CREB3L2: variants seen among roughly 807,000 people sequenced by gnomAD.
The protein encoded by CREB3L2 is cyclic AMP-responsive element-binding protein 3-like protein 2.
Under a neutral mutation model 57.2 loss-of-function variants are expected in CREB3L2, and 23 were observed. The observed-to-expected ratio is 0.40, with a 90% CI of 0.29 to 0.57. CREB3L2 has a LOEUF of 0.57. Among genes scored for constraint, CREB3L2 ranks in the 20% least tolerant of loss-of-function variants. The probability of loss-of-function intolerance (pLI) is 0.42; values close to 1 mark genes in which losing one functional copy is unlikely to be tolerated. For missense variants in CREB3L2, 628 were observed against 634.7 expected (o/e 0.99, Z 0.11); for synonymous variants, 268 against 265.1 (o/e 1.01, Z -0.11).
At chr7:137,983,234 C>T (rs1034842318) in intron 1 of CREB3L2, among the ~76,000 whole-genome samples, 1 of 152,150 alleles carries the variant, frequency 6.6e-6, no homozygotes, top group Non-Finnish European at 1.5e-5. Context: ...GTGGTGAATG[C>T]CTTCCAGAGG....
At chr7:137,977,643 G>A (rs1195349355) in intron 1 of CREB3L2, among the ~76,000 whole-genome samples, 2 of 152,198 alleles carry the variant, frequency 1.3e-5, no homozygotes, top group African/African-American at 4.8e-5. Flanking sequence ...ATGTAGGGCT[G>A]GGCGTGGTGG....
In CREB3L2 at chr7:137,983,312, G is replaced by A. The variant is rs922755769; in HGVS notation, c.102+18292C>T. 3.3e-5 allele frequency among the ~76,000 whole-genome samples: 5 copies of A among 152,328 alleles called. No homozygotes were observed. In the South Asian group the frequency reaches 1.0e-3, roughly 32 times the overall value. ...CCCTCGAAGAAGGAATCTTAAACAA[G>A]AGAAGCAAGGGCAGAAATGCAACAT... On this transcript the variant is annotated intron_variant, in intron 1 of 11. Transcript: ENST00000330387.
chr7:137,880,388 A>T lies in CREB3L2; in HGVS notation c.*88T>A. 9.4e-7 allele frequency: 1 copy of T among 1,065,054 alleles called. No individual in the cohort carries two copies. The highest frequency in any genetic ancestry group is 1.4e-6 in the Non-Finnish European group (1 of 700,296). 66.0% of individuals were successfully genotyped at this position (1,065,054 alleles called of 1,614,324 possible). The stretch of plus-strand genomic sequence containing the variant: ...CTTGCCCATGTCTCCATGAAGATCC[A>T]GTGGCAAAGAGGAAAAGCTGATGAC... On this transcript the variant is annotated 3_prime_UTR_variant, in exon 12 of 12. Coordinates refer to ENST00000330387, the MANE Select transcript of CREB3L2 (RefSeq NM_194071.4). This position sits in a 1 kb window ranked among gnomAD's most constrained non-coding sequence, Gnocchi z 4.0.
chr7:137,977,892 G>A (rs1453706538), intron 1 of CREB3L2, among the ~76,000 whole-genome samples: 2 of 151,298 alleles, frequency 1.3e-5, no homozygotes, highest in East Asian at 3.9e-4. Flanking sequence ...CTGCACTCCA[G>A]CCTGGGCAAG....
chr7:137,940,532 A>T (rs1461541929), intron 1 of CREB3L2, among the ~76,000 whole-genome samples: 1 of 147,518 alleles, frequency 6.8e-6, no homozygotes, highest in African/African-American at 2.5e-5. Flanking sequence ...AAGAGTTGAG[A>T]ACTGAAATCT....
rs1799212123 is a variant in CREB3L2, at chr7:137,878,664, C to G, written c.*1812G>C. On this transcript the variant is annotated 3_prime_UTR_variant, in exon 12 of 12. Coordinates refer to ENST00000330387, the MANE Select transcript of CREB3L2 (RefSeq NM_194071.4). ...GGACTACGGGGGCCCGATCCAGCTTCCACTCACAGTGAGAAGATGAACTTG... is the reference window on the plus strand; with the variant it reads ...GGACTACGGGGGCCCGATCCAGCTTGCACTCACAGTGAGAAGATGAACTTG... 4.3e-6 allele frequency: 1 copy of G among 233,960 alleles called. No individual in the cohort carries two copies. Among genetic ancestry groups the G allele is most frequent in the Non-Finnish European group, 8.4e-6 (1 of 118,712 alleles). 14.5% of individuals were successfully genotyped at this position (233,960 alleles called of 1,614,324 possible).
At chr7:137,975,458 C>T (rs1801589912) in intron 1 of CREB3L2, among the ~76,000 whole-genome samples, 1 of 152,206 alleles carries the variant, frequency 6.6e-6, no homozygotes. Flanking sequence ...ACTCTCGCCC[C>T]TTCTCTCTTT....
chr7:137,974,608 C>T (rs1311537794), intron 1 of CREB3L2, among the ~76,000 whole-genome samples: 1 of 152,114 alleles, frequency 6.6e-6, no homozygotes, highest in Non-Finnish European at 1.5e-5. Context: ...TGTTAATAGG[C>T]TACTGCAATA....
chr7:137,897,532 G>T (rs779896868), intron 8 of CREB3L2, among the ~76,000 whole-genome samples: 1 of 152,150 alleles, frequency 6.6e-6, no homozygotes, highest in Non-Finnish European at 1.5e-5. Context: ...ACTACGCCCA[G>T]ATAATTTGTG....
intron 1 of CREB3L2, among the ~76,000 whole-genome samples, chr7:137,937,887 C>G (rs528326706): frequency 6.8e-6 from 1 of 147,770 alleles, no homozygotes; most frequent in African/African-American, 2.5e-5. Context: ...TCCAGATGAA[C>G]CTTTTTTTTT....
intron 2 of CREB3L2, among the ~76,000 whole-genome samples, chr7:137,922,388 A>ATGTG (rs1800313293): frequency 1.0e-4 from 2 of 19,416 alleles, no homozygotes; most frequent in African/African-American, 4.2e-4. Context: ...ATATATGTAT[A>ATGTG]TATATATATA....
At chr7:137,960,723 C>T (rs1171739272) in intron 1 of CREB3L2, among the ~76,000 whole-genome samples, 1 of 151,272 alleles carries the variant, frequency 6.6e-6, no homozygotes, top group Non-Finnish European at 1.5e-5. Context: ...ACAACTACTA[C>T]AGAAGCACGT....
chr7:137,885,277 C>T lies in CREB3L2; in HGVS notation c.1143+126G>A, dbSNP rs935787246. On this transcript the variant is annotated intron_variant, in intron 9 of 11. Coordinates refer to ENST00000330387, the MANE Select transcript of CREB3L2 (RefSeq NM_194071.4). The stretch of plus-strand genomic sequence containing the variant: ...CCAGAGTGCCTCACCGAGGAACAGC[C>T]TCAGAGTGGAGTTCCTCCATGTGGT... 8.5e-6 allele frequency: 10 copies of T among 1,174,038 alleles called. No homozygotes were observed. In the East Asian group the frequency reaches 2.1e-4, roughly 25 times the overall value. The allele number at this position is 1,174,038 out of a possible 1,614,324, so 72.7% of individuals were successfully genotyped here.
At chr7:137,882,212 G>GTT (rs911470751) in intron 11 of CREB3L2, among the ~76,000 whole-genome samples, 200 bp downstream of exon 11, 1 of 152,132 alleles carries the variant, frequency 6.6e-6, no homozygotes, top group Non-Finnish European at 1.5e-5. Flanking sequence ...GCTCACGCTG[G>GTT]TTTTTTTCCT....
intron 1 of CREB3L2, among the ~76,000 whole-genome samples, chr7:137,998,115 A>G (rs749875694): frequency 6.6e-6 from 1 of 152,234 alleles, no homozygotes; most frequent in Non-Finnish European, 1.5e-5. Flanking sequence ...TGCCCTATCC[A>G]TATGCTTCAT....
rs911807754 is a variant in CREB3L2 at position 137,880,698 on chromosome 7, C to T, written c.1488-147G>A. The T allele has an allele frequency of 2.2e-5, 15 of 676,510 alleles. No homozygotes were observed. Among genetic ancestry groups the T allele is most frequent in the Non-Finnish European group, 4.0e-5 (15 of 375,156 alleles). 41.9% of individuals were successfully genotyped at this position (676,510 alleles called of 1,614,324 possible). ...TTCTTGTCCTTTTCTCTCCTAGTAGCAATTCTCTGTTTCCAAAGTCCCCTG... is the reference window on the plus strand; with the variant it reads ...TTCTTGTCCTTTTCTCTCCTAGTAGTAATTCTCTGTTTCCAAAGTCCCCTG... On this transcript the variant is annotated intron_variant, in intron 11 of 11. Coordinates refer to ENST00000330387, the MANE Select transcript of CREB3L2 (RefSeq NM_194071.4). The surrounding 1 kb of genome is among the most constrained non-coding windows in gnomAD (Gnocchi z 4.0).
At chr7:137,963,294 G>C (rs141146836) in intron 1 of CREB3L2, among the ~76,000 whole-genome samples, 17 of 152,314 alleles carry the variant, frequency 1.1e-4, no homozygotes, top group African/African-American at 4.1e-4. Context: ...AGTCAGCACT[G>C]CTTTCTTCCT....
At chr7:137,969,791 C>CACACACACAT (rs141056660) in intron 1 of CREB3L2, among the ~76,000 whole-genome samples, 7 of 148,564 alleles carry the variant, frequency 4.7e-5, no homozygotes, top group East Asian at 2.0e-4. Flanking sequence ...CACACACACA[C>CACACACACAT]ACAACATACA....
In CREB3L2 at chr7:137,943,181, G is replaced by C. The variant is rs140744148; in HGVS notation, c.103-14815C>G. 3.3e-5 allele frequency among the ~76,000 whole-genome samples: 5 copies of C among 152,256 alleles called. No homozygotes were observed. The East Asian group carries it at 9.6e-4, about 29-fold the overall frequency. On this transcript the variant is annotated intron_variant, in intron 1 of 11. Coordinates refer to ENST00000330387, the MANE Select transcript of CREB3L2 (RefSeq NM_194071.4). ...AGAGGTGGGACCAGGCAGTCTCCCA[G>C]GCCCCCTGCGGCTCTGGTATTCTGA...
Sources: gnomAD v4.1 joint callset for allele counts (sites outside exome capture counted in the v4.1 genomes callset) on GRCh38, gnomAD v4.1.1 for gene constraint, Gnocchi (gnomAD v3.1) non-coding constraint, MANE v1.5 for transcripts, NCBI Gene and HGNC (gene_info 2026-07-23, HGNC 2026-07-21) for gene names.